Variants in ATP8A2 observed in about 807,000 individuals in gnomAD.
ATP8A2 encodes the protein ATPase phospholipid transporting 8A2.
Under a neutral mutation model 165.6 loss-of-function variants are expected in ATP8A2, and 100 were observed. That is an observed-to-expected ratio of 0.60 (90% CI 0.51 to 0.71). ATP8A2 has a LOEUF of 0.71. ATP8A2 is among the 30% of genes least tolerant of loss of function. ATP8A2 has a pLI of 0.00. For synonymous variants in ATP8A2, 543 were observed against 548.8 expected, an observed-to-expected ratio of 0.99 and a Z score of 0.15; for missense variants, 1,227 against 1,479.5, an observed-to-expected ratio of 0.83 and a Z score of 2.80.
chr13:25,993,958 A>G (rs1276269783), intron 35 of ATP8A2, among the ~76,000 whole-genome samples: 2 of 152,152 alleles, frequency 1.3e-5, no homozygotes, highest in African/African-American at 2.4e-5. Flanking sequence ...GTGTTTTCCA[A>G]TCCATGAAAA....
intron 1 of ATP8A2, among the ~76,000 whole-genome samples, chr13:25,447,254 A>G (rs1391971462): frequency 6.6e-6 from 1 of 152,078 alleles, no homozygotes; most frequent in Non-Finnish European, 1.5e-5. Context: ...TGTTAAGTAA[A>G]AACTTTTTTT....
intron 24 of ATP8A2, among the ~76,000 whole-genome samples, chr13:25,592,348 C>G (rs1363911122): frequency 2.5e-4 from 38 of 152,006 alleles, no homozygotes; most frequent in Admixed American, 2.5e-3. Context: ...ATATTATGCA[C>G]TCAGTAAATG....
intron 1 of ATP8A2, among the ~76,000 whole-genome samples, chr13:25,434,509 T>C (rs1245412956): frequency 1.3e-5 from 2 of 151,852 alleles, no homozygotes; most frequent in African/African-American, 4.9e-5. Flanking sequence ...TCACTACACC[T>C]GGCTAATTTT....
At chr13:25,820,486 A>AG (rs1951151010) in intron 27 of ATP8A2, among the ~76,000 whole-genome samples, 1 of 152,180 alleles carries the variant, frequency 6.6e-6, no homozygotes, top group Non-Finnish European at 1.5e-5. Context: ...CATTAGTCCA[A>AG]GAGTAAAATT....
At chr13:25,696,238 G>A (rs939392869) in intron 24 of ATP8A2, among the ~76,000 whole-genome samples, 6 of 152,044 alleles carry the variant, frequency 3.9e-5, no homozygotes, top group African/African-American at 7.2e-5. Context: ...CAGATGTGGT[G>A]TTAGCCAGGC....
In ATP8A2 at chr13:25,796,304, C is replaced by T. The variant is rs1305101409; in HGVS notation, c.2679+21345C>T. ...ATAGAATCCTGGTTTCTTCAGAAAA[C>T]TACTTTATCAGGATGAAGGGCTAAT... On this transcript the variant is annotated intron_variant, in intron 27 of 36. Transcript: ENST00000381655. 2.6e-5 allele frequency among the ~76,000 whole-genome samples: 4 copies of T among 152,262 alleles called. No individual in the cohort carries two copies. The East Asian group carries it at 7.7e-4, about 29-fold the overall frequency.
At chr13:25,699,821 G>A (rs2042913404) in intron 25 of ATP8A2, among the ~76,000 whole-genome samples, 4 of 152,032 alleles carry the variant, frequency 2.6e-5, no homozygotes, top group Admixed American at 2.6e-4. Flanking sequence ...AATCTTTGTA[G>A]GTTCTTCCCT....
chr13:25,533,371 T>G, intron 6 of ATP8A2, 58 bp downstream of exon 6: 1 of 959,430 alleles, frequency 1.0e-6, no homozygotes. Context: ...CGTAATGAAT[T>G]GCTGGTCTTG....
intron 1 of ATP8A2, among the ~76,000 whole-genome samples, chr13:25,464,446 TAAA>T (rs34063090): frequency 4.8e-4 from 61 of 127,444 alleles, no homozygotes; most frequent in Admixed American, 1.1e-3. Flanking sequence ...CATCTCTATC[TAAA>T]AAAAAAAAAA....
chr13:25,730,568 A>G (rs978603799), intron 25 of ATP8A2, among the ~76,000 whole-genome samples: 2 of 152,206 alleles, frequency 1.3e-5, no homozygotes, highest in African/African-American at 4.8e-5. Flanking sequence ...ACTCACAAGT[A>G]GTATCCATTG....
At chr13:26,005,206 T>C (rs1956714772) in intron 35 of ATP8A2, among the ~76,000 whole-genome samples, 1 of 152,016 alleles carries the variant, frequency 6.6e-6, no homozygotes, top group Non-Finnish European at 1.5e-5. Flanking sequence ...GAACTTAACA[T>C]TTCTTCTAGA....
intron 30 of ATP8A2, among the ~76,000 whole-genome samples, chr13:25,853,396 A>ATGTATAT (rs59573616): frequency 1.3e-4 from 14 of 107,850 alleles, no homozygotes; most frequent in African/African-American, 4.8e-4. Flanking sequence ...ATCTAAAAAA[A>ATGTATAT]ATATATATAT....
chr13:25,642,780 A>G (rs183543198), intron 24 of ATP8A2, among the ~76,000 whole-genome samples: 328 of 152,316 alleles, frequency 2.2e-3, no homozygotes, highest in African/African-American at 7.5e-3. Flanking sequence ...TTATTGCGGC[A>G]CTATTCACAA....
chr13:25,397,452 A>C (rs534318369), intron 1 of ATP8A2, among the ~76,000 whole-genome samples: 1 of 152,190 alleles, frequency 6.6e-6, no homozygotes, highest in East Asian at 1.9e-4. Flanking sequence ...CAACTTCCTA[A>C]TAAGGCGTGG....
At chr13:25,518,984 G>A (rs774124228) in intron 2 of ATP8A2, among the ~76,000 whole-genome samples, 1 of 152,198 alleles carries the variant, frequency 6.6e-6, no homozygotes, top group Admixed American at 6.5e-5. Context: ...AGGCCAGTGT[G>A]TCAACATGAG....
chr13:25,927,396 A>C (rs1403586549), intron 33 of ATP8A2: 1 of 353,778 alleles, frequency 2.8e-6, no homozygotes, highest in African/African-American at 2.1e-5. Context: ...CCAATCTCAA[A>C]ATAGGCTGGT....
At chr13:25,728,048 G>T (rs2043534421) in intron 25 of ATP8A2, among the ~76,000 whole-genome samples, 1 of 152,136 alleles carries the variant, frequency 6.6e-6, no homozygotes, top group Non-Finnish European at 1.5e-5. Flanking sequence ...TCACCCACAA[G>T]TTCCCTTCCT....
chr13:25,738,079 T>G (rs910536078), intron 25 of ATP8A2, among the ~76,000 whole-genome samples: 1 of 152,228 alleles, frequency 6.6e-6, no homozygotes, highest in African/African-American at 2.4e-5. Context: ...TTAGGCACAC[T>G]GGCTTGGTTA....
chr13:25,414,509 C>A (rs918722961), intron 1 of ATP8A2, among the ~76,000 whole-genome samples: 1 of 152,108 alleles, frequency 6.6e-6, no homozygotes, highest in African/African-American at 2.4e-5. Flanking sequence ...GTTTCTTAAA[C>A]AGAAGTACTC....
Sources: allele counts gnomAD v4.1 joint callset (sites outside exome capture counted in the v4.1 genomes callset), GRCh38; gene constraint gnomAD v4.1.1; transcripts MANE v1.5; gene names NCBI Gene and HGNC (gene_info 2026-07-23, HGNC 2026-07-21).